Variants in ACSM1 observed in about 807,000 individuals in gnomAD.
ACSM1 encodes acyl-coenzyme A synthetase ACSM1, mitochondrial.
A neutral mutation model predicts 75.8 loss-of-function variants in ACSM1; 79 were observed. The ratio of observed to expected loss-of-function variants is 1.04; its 90% CI spans 0.87 to 1.26. The LOEUF (loss-of-function observed/expected upper bound fraction) is 1.26. ACSM1 is among the 50% of genes most tolerant of loss of function. The pLI, the probability that ACSM1 is intolerant of heterozygous loss-of-function variation, is 0.00. For synonymous variants in ACSM1, 279 were observed against 265.8 expected, an observed-to-expected ratio of 1.05 and a Z score of -0.48; for missense variants, 676 against 720.1, an observed-to-expected ratio of 0.94 and a Z score of 0.70.
intron 5 of ACSM1, 52 bp downstream of exon 5, chr16:20,671,479 A>ACACACACACAC: frequency 6.6e-7 from 1 of 1,509,774 alleles, no homozygotes; most frequent in East Asian, 2.4e-5. Flanking sequence ...ACACACACAC[A>ACACACACACAC]AACTTTGCCC....
chr16:20,647,651 C>T (rs1332818687), intron 7 of ACSM1, among the ~76,000 whole-genome samples: 1 of 151,820 alleles, frequency 6.6e-6, no homozygotes, highest in Non-Finnish European at 1.5e-5. Flanking sequence ...TTAAAAGAGG[C>T]CAACTTTTAT....
At chr16:20,637,661 G>A (rs535954091) in intron 8 of ACSM1, among the ~76,000 whole-genome samples, 2 of 152,324 alleles carry the variant, frequency 1.3e-5, no homozygotes, top group East Asian at 1.9e-4. Context: ...TCTGCAGCCA[G>A]TGTGGTCTGG....
At chr16:20,687,628 T>A (rs1183244724) in intron 2 of ACSM1, among the ~76,000 whole-genome samples, 2 of 151,974 alleles carry the variant, frequency 1.3e-5, no homozygotes, top group Non-Finnish European at 2.9e-5. Flanking sequence ...AAACAAACCC[T>A]AAATAAACAC....
At position 20,669,864 on chromosome 16, in the gene ACSM1, TG is replaced by T. The variant is rs1322706219; in HGVS notation, c.874del (p.His292ThrfsTer16). 1 of 1,613,906 alleles carries T rather than the reference TG, an allele frequency of 6.2e-7. No homozygotes were observed. The highest frequency in any genetic ancestry group is 8.5e-7 in the Non-Finnish European group (1 of 1,179,888). ...CTTGGTGTCAAACTGTGGCAGATGG[TG>T]GATAAAGACTGTACAACCCGCTGTC... is the stretch of plus-strand genomic sequence containing the variant. ...PWTAGCTVFI[H>X]HLPQFDTKVI... On this transcript the variant is annotated frameshift_variant, in exon 6 of 14. Transcript: ENST00000520010. LOFTEE classifies it high-confidence loss of function.
intron 6 of ACSM1, among the ~76,000 whole-genome samples, chr16:20,667,699 C>T (rs1007316106): frequency 6.6e-6 from 1 of 152,168 alleles, no homozygotes; most frequent in Non-Finnish European, 1.5e-5. Context: ...CACAGAGGCT[C>T]ATATGTTATT....
rs1038668273 is a variant in ACSM1, at chr16:20,689,606, CTT to C, written c.192+1389_192+1390del. 2.6e-5 allele frequency among the ~76,000 whole-genome samples: 4 copies of C among 151,982 alleles called. No homozygotes were observed. The South Asian group carries it at 8.3e-4, about 32-fold the overall frequency. ...TGAATATGATAAAATCAATGAAAAA[CTT>C]TTAGAATTGTTTTTATAATAAAATG... On this transcript the variant is annotated intron_variant, in intron 2 of 13. Coordinates refer to ENST00000520010, the MANE Select transcript of ACSM1 (RefSeq NM_001318890.3).
At chr16:20,666,141 G>A (rs2152265649) in intron 6 of ACSM1, among the ~76,000 whole-genome samples, 1 of 151,992 alleles carries the variant, frequency 6.6e-6, no homozygotes, top group South Asian at 2.1e-4. Context: ...AAGCAATCAA[G>A]CAAGAGAAAG....
chr16:20,639,166 A>C (rs1051948196), intron 8 of ACSM1, among the ~76,000 whole-genome samples: 1 of 152,126 alleles, frequency 6.6e-6, no homozygotes, highest in Non-Finnish European at 1.5e-5. Context: ...TGGATTGCAA[A>C]TATGTTGGAA....
At chr16:20,660,785 T>C (rs1289503925) in intron 7 of ACSM1, among the ~76,000 whole-genome samples, 2 of 152,200 alleles carry the variant, frequency 1.3e-5, no homozygotes, top group East Asian at 1.9e-4. Flanking sequence ...CCCTAAAAGA[T>C]ACATAAATAT....
rs1220636503 is a variant in ACSM1, at chr16:20,651,975, CAG to C, written c.992+9817_992+9818del. ...ATAAACTATAAAATCCAGCCCAAGA[CAG>C]AGTGATCTTTGATTGTATATGCTTA... On this transcript the variant is annotated intron_variant, in intron 7 of 13. Transcript: ENST00000520010. Among the ~76,000 whole-genome samples, 4 of 152,112 alleles carry C rather than the reference CAG, an allele frequency of 2.6e-5. No homozygotes were observed. In the East Asian group the frequency reaches 7.7e-4, roughly 29 times the overall value.
chr16:20,640,716 C>A, intron 7 of ACSM1, 132 bp from the exon 8 acceptor site: 1 of 1,459,118 alleles, frequency 6.9e-7, no homozygotes, highest in Non-Finnish European at 9.1e-7. Context: ...GGTCATTTTA[C>A]AGTTGGCCAT....
Position 20,691,192 on chromosome 16 carries a change from G to GAA in ACSM1, c.-6_-5dup. On this transcript the variant is annotated 5_prime_UTR_variant, in exon 2 of 14. Transcript: ENST00000520010. ...GGAACCTCATTAGCCACTGCATGGT[G>GAA]AAACAGTCCTCAGAAACCAGGCACA... The GAA allele has an allele frequency of 6.4e-7, 1 of 1,564,174 alleles. No individual in the cohort carries two copies. The highest frequency in any genetic ancestry group is 1.2e-5 in the South Asian group (1 of 83,332).
chr16:20,641,787 G>A (rs1452515917), intron 7 of ACSM1, among the ~76,000 whole-genome samples: 2 of 152,322 alleles, frequency 1.3e-5, no homozygotes, highest in African/African-American at 4.8e-5. Flanking sequence ...GGTGCCCAAT[G>A]TGGGGTGATG....
chr16:20,694,927 G>A (rs1345054295), intron 1 of ACSM1, among the ~76,000 whole-genome samples: 2 of 152,118 alleles, frequency 1.3e-5, no homozygotes, highest in Non-Finnish European at 2.9e-5. Flanking sequence ...CAAGGAAAAA[G>A]ACCTCAGAGA....
At chr16:20,626,908 GTCTCCCTT>G (rs1300425087) in intron 11 of ACSM1, among the ~76,000 whole-genome samples, 1 of 152,066 alleles carries the variant, frequency 6.6e-6, no homozygotes, top group East Asian at 1.9e-4. Context: ...CCAAGACAGA[GTCTCCCTT>G]CTCAATTCCA....
At chr16:20,685,940 C>T (rs2079547571) in intron 2 of ACSM1, among the ~76,000 whole-genome samples, 1 of 150,986 alleles carries the variant, frequency 6.6e-6, no homozygotes, top group South Asian at 2.1e-4. Flanking sequence ...AGACCATAAA[C>T]AGCCTTTATG....
At chr16:20,681,273 A>G (rs183227076) in intron 4 of ACSM1, 13 of 152,364 alleles carry the variant, frequency 8.5e-5, no homozygotes, top group Non-Finnish European at 1.9e-4. Context: ...TTGGCATTAG[A>G]TTATCACTTA....
chr16:20,652,124 G>A (rs890930447), intron 7 of ACSM1, among the ~76,000 whole-genome samples: 8 of 152,068 alleles, frequency 5.3e-5, no homozygotes, highest in East Asian at 3.9e-4. Context: ...TATAAAAATC[G>A]TTAATAGAAA....
chr16:20,636,525 A>G (rs1281090920), intron 10 of ACSM1, among the ~76,000 whole-genome samples: 1 of 152,226 alleles, frequency 6.6e-6, no homozygotes, highest in Non-Finnish European at 1.5e-5. Flanking sequence ...GATGGTTCTG[A>G]AGCCAGTCTT....
Sources: gnomAD v4.1 joint callset for allele counts (sites outside exome capture counted in the v4.1 genomes callset) on GRCh38, gnomAD v4.1.1 for gene constraint, MANE v1.5 for transcripts, NCBI Gene and HGNC (gene_info 2026-07-23, HGNC 2026-07-21) for gene names.